Variants in PCDH15 observed in about 807,000 individuals in gnomAD.
PCDH15 encodes protocadherin related 15, also known as protocadherin-15.
In PCDH15, 129 loss-of-function variants were observed where a neutral mutation model predicts 178.5. The observed-to-expected ratio is 0.72, with a 90% CI of 0.63 to 0.84. The LOEUF (loss-of-function observed/expected upper bound fraction) is 0.84. Among genes scored for constraint, PCDH15 ranks in the 40% least tolerant of loss-of-function variants. The pLI is 0.00. For missense variants in PCDH15, 2,230 were observed against 2,099.9 expected (o/e 1.06, Z -1.21); for synonymous variants, 800 against 732.0 (o/e 1.09, Z -1.50).
intron 2 of PCDH15, among the ~76,000 whole-genome samples, chr10:55,417,900 T>C (rs1348407914): frequency 6.6e-6 from 1 of 151,434 alleles, no homozygotes; most frequent in Non-Finnish European, 1.5e-5. Context: ...AATTTTATGC[T>C]TAACCAGAAA....
intron 2 of PCDH15, among the ~76,000 whole-genome samples, chr10:55,080,976 G>C (rs1440366111): frequency 2.6e-5 from 4 of 152,160 alleles, no homozygotes; most frequent in Non-Finnish European, 4.4e-5. Flanking sequence ...AACAGAATCT[G>C]TGCTGCTGCT....
intron 2 of PCDH15, among the ~76,000 whole-genome samples, chr10:55,491,121 C>T (rs1840404334): frequency 6.6e-6 from 1 of 151,754 alleles, no homozygotes; most frequent in Non-Finnish European, 1.5e-5. Context: ...AATCTGCTTC[C>T]TTTATCCCTC....
chr10:53,818,590 A>C (rs1220937441), intron 33 of PCDH15, among the ~76,000 whole-genome samples: 1 of 152,140 alleles, frequency 6.6e-6, no homozygotes, highest in Non-Finnish European at 1.5e-5. Flanking sequence ...TTTAATAGCC[A>C]AATATTCAAT....
At chr10:53,825,254 C>A in intron 32 of PCDH15, 1 of 1,270,994 alleles carries the variant, frequency 7.9e-7, no homozygotes, top group South Asian at 1.8e-5. Flanking sequence ...TTTAAACAAA[C>A]ACTTAGTACG....
At chr10:54,362,842 AAT>A (rs1946258922) in intron 5 of PCDH15, among the ~76,000 whole-genome samples, 1 of 152,106 alleles carries the variant, frequency 6.6e-6, no homozygotes, top group Non-Finnish European at 1.5e-5. Flanking sequence ...AATAGACCGT[AAT>A]TCATATAGTT....
intron 28 of PCDH15, 121 bp downstream of exon 28, chr10:53,857,054 G>T (rs868043835): frequency 6.8e-6 from 5 of 739,834 alleles, no homozygotes; most frequent in Middle Eastern, 4.0e-4. Flanking sequence ...TCACCAATAT[G>T]CAATATATCC....
chr10:54,139,818 G>A (rs537025576), intron 14 of PCDH15, among the ~76,000 whole-genome samples: 63 of 152,092 alleles, frequency 4.1e-4, no homozygotes, highest in Non-Finnish European at 7.4e-4. Context: ...TTATAGATAC[G>A]AAAATATATT....
At chr10:54,078,858 G>C (rs1170374009) in intron 17 of PCDH15, among the ~76,000 whole-genome samples, 2 of 151,862 alleles carry the variant, frequency 1.3e-5, no homozygotes, top group Non-Finnish European at 2.9e-5. Context: ...AATTACTTAT[G>C]ATTCTTACTG....
intron 2 of PCDH15, among the ~76,000 whole-genome samples, chr10:55,509,634 A>G (rs538929252): frequency 1.3e-5 from 2 of 151,958 alleles, no homozygotes; most frequent in East Asian, 3.9e-4. Flanking sequence ...GTTTTACGGA[A>G]CCATCATCGA....
At chr10:54,933,441 T>C (rs1256873869) in intron 2 of PCDH15, among the ~76,000 whole-genome samples, 1 of 152,204 alleles carries the variant, frequency 6.6e-6, no homozygotes, top group Non-Finnish European at 1.5e-5. Context: ...AAAAACATGA[T>C]TATTCTTGAA....
chr10:54,696,987 C>T (rs77993195), intron 1 of PCDH15, among the ~76,000 whole-genome samples: 1 of 151,948 alleles, frequency 6.6e-6, no homozygotes, highest in Non-Finnish European at 1.5e-5. Context: ...CACTATGTTG[C>T]CCAGACTGGA....
intron 1 of PCDH15, among the ~76,000 whole-genome samples, chr10:54,769,363 T>G (rs1242244662): frequency 2.6e-5 from 4 of 151,078 alleles, no homozygotes; most frequent in Non-Finnish European, 5.9e-5. Context: ...TTCTATTTTA[T>G]CAAGCATACA....
intron 17 of PCDH15, among the ~76,000 whole-genome samples, chr10:54,072,061 G>A (rs980391945): frequency 1.3e-5 from 2 of 151,822 alleles, no homozygotes; most frequent in African/African-American, 4.8e-5. Flanking sequence ...GAAAAAAGAA[G>A]AGCTAGAAAG....
At chr10:55,347,865 T>C (rs1844804304) in intron 2 of PCDH15, among the ~76,000 whole-genome samples, 1 of 152,120 alleles carries the variant, frequency 6.6e-6, no homozygotes, top group African/African-American at 2.4e-5. Context: ...AAAATCAAAA[T>C]GTTATATTTC....
chr10:54,144,236 T>A (rs12266566), intron 14 of PCDH15, among the ~76,000 whole-genome samples: 2,344 of 152,142 alleles, frequency 0.015, 76 homozygotes, highest in African/African-American at 0.054. Context: ...TGACAACCAG[T>A]TTCCCCATGA....
intron 2 of PCDH15, among the ~76,000 whole-genome samples, chr10:55,488,258 A>G (rs1840340965): frequency 6.6e-6 from 1 of 151,658 alleles, no homozygotes; most frequent in Non-Finnish European, 1.5e-5. Context: ...TATTTTGGCT[A>G]AAGTTTATTT....
At chr10:54,808,895 A>AT (rs1952819682) in intron 3 of PCDH15, among the ~76,000 whole-genome samples, 1 of 151,766 alleles carries the variant, frequency 6.6e-6, no homozygotes, top group Non-Finnish European at 1.5e-5. Flanking sequence ...GCTCAAGTTC[A>AT]TTTTTAGGCT....
chr10:55,192,009 T>A (rs1483281120), intron 1 of PCDH15, among the ~76,000 whole-genome samples: 1 of 151,944 alleles, frequency 6.6e-6, no homozygotes, highest in Non-Finnish European at 1.5e-5. Context: ...TGTTTAGCTA[T>A]TCCATTGTCA....
chr10:54,961,819 T>C (rs919738203), intron 2 of PCDH15, among the ~76,000 whole-genome samples: 1 of 151,960 alleles, frequency 6.6e-6, no homozygotes, highest in Non-Finnish European at 1.5e-5. Context: ...AGAGGTACCT[T>C]TGGGTCTCCT....
Sources: gnomAD v4.1 joint callset for allele counts (sites outside exome capture counted in the v4.1 genomes callset) on GRCh38, gnomAD v4.1.1 for gene constraint, MANE v1.5 for transcripts, NCBI Gene and HGNC (gene_info 2026-07-23, HGNC 2026-07-21) for gene names.